The following SMAP1 variants were observed in gnomAD, a reference collection of about 807,000 sequenced individuals.
SMAP1 encodes small ArfGAP 1, also known as stromal membrane-associated protein 1.
Under a neutral mutation model 58.5 loss-of-function variants are expected in SMAP1, and 24 were observed. The ratio of observed to expected loss-of-function variants is 0.41; its 90% CI spans 0.30 to 0.58. The LOEUF is 0.58. Ranked by LOEUF, SMAP1 falls within the 20% of genes least tolerant of loss-of-function variation. SMAP1 has a pLI of 0.29. For synonymous variants in SMAP1, 216 were observed against 196.6 expected, an observed-to-expected ratio of 1.10 and a Z score of -0.82; for missense variants, 563 against 566.3, an observed-to-expected ratio of 0.99 and a Z score of 0.06.
intron 9 of SMAP1, 182 bp from the exon 10 acceptor site, chr6:70,857,740 A>G: frequency 1.6e-6 from 1 of 606,590 alleles, no homozygotes; most frequent in Non-Finnish European, 2.9e-6. Context: ...ATTTGTCTGC[A>G]TCCTAGAAAC....
chr6:70,711,986 T>A (rs1768075269), intron 1 of SMAP1, among the ~76,000 whole-genome samples: 1 of 152,208 alleles, frequency 6.6e-6, no homozygotes, highest in African/African-American at 2.4e-5. Flanking sequence ...GTGGTGAGAA[T>A]AGATATCCTT....
chr6:70,770,117 A>C (rs1364213254), intron 3 of SMAP1, among the ~76,000 whole-genome samples: 1 of 151,804 alleles, frequency 6.6e-6, no homozygotes, highest in East Asian at 1.9e-4. Flanking sequence ...CCGAGAGGTC[A>C]GCTGTTAGTC....
chr6:70,679,221 G>A (rs895471875), intron 1 of SMAP1, among the ~76,000 whole-genome samples: 1 of 152,018 alleles, frequency 6.6e-6, no homozygotes, highest in African/African-American at 2.4e-5. Context: ...GTTTTGCTAT[G>A]TTGGCCAGGC....
At chr6:70,855,232 G>C (rs1554210677) in intron 8 of SMAP1, among the ~76,000 whole-genome samples, 1 of 152,136 alleles carries the variant, frequency 6.6e-6, no homozygotes, top group Non-Finnish European at 1.5e-5. Flanking sequence ...TGTAAAATGA[G>C]AGGCAGAAGT....
chr6:70,853,423 T>C (rs1361622977), intron 8 of SMAP1, among the ~76,000 whole-genome samples: 4 of 152,230 alleles, frequency 2.6e-5, no homozygotes, highest in Admixed American at 2.6e-4. Flanking sequence ...ACAAGCAGTT[T>C]GTGCAGCATA....
chr6:70,674,324 G>A (rs1023670150), intron 1 of SMAP1, among the ~76,000 whole-genome samples: 2 of 151,994 alleles, frequency 1.3e-5, no homozygotes, highest in Non-Finnish European at 2.9e-5. Flanking sequence ...TGTTGCCCAG[G>A]CTAGTCTTGA....
intron 6 of SMAP1, among the ~76,000 whole-genome samples, chr6:70,833,135 C>G (rs1343912027): frequency 6.6e-6 from 1 of 152,126 alleles, no homozygotes; most frequent in Non-Finnish European, 1.5e-5. Context: ...ATTTGTTACT[C>G]TATCTAGAAT....
At chr6:70,721,137 CT>C (rs1471628330) in intron 1 of SMAP1, among the ~76,000 whole-genome samples, 3 of 152,122 alleles carry the variant, frequency 2.0e-5, no homozygotes, top group Non-Finnish European at 4.4e-5. Context: ...ATGGGTTTTT[CT>C]TTTCTATCGC....
intron 1 of SMAP1, among the ~76,000 whole-genome samples, chr6:70,684,219 T>C (rs572420163): frequency 1.1e-3 from 170 of 152,328 alleles, no homozygotes; most frequent in African/African-American, 3.9e-3. Context: ...TAGGAACAAA[T>C]GGTTATCTCT....
At chr6:70,754,844 A>G (rs2149889151) in intron 2 of SMAP1, 136 bp from the exon 3 acceptor site, 1 of 500,750 alleles carries the variant, frequency 2.0e-6, no homozygotes, top group Non-Finnish European at 3.6e-6. Flanking sequence ...TGTGATTTAA[A>G]TTATATTTCT....
At chr6:70,698,280 G>C (rs879777773) in intron 1 of SMAP1, among the ~76,000 whole-genome samples, 9 of 152,108 alleles carry the variant, frequency 5.9e-5, no homozygotes, top group Non-Finnish European at 1.3e-4. Context: ...AGATGTGTTA[G>C]AGCTCCTTTG....
intron 1 of SMAP1, among the ~76,000 whole-genome samples, chr6:70,672,438 T>C (rs1021941017): frequency 6.6e-6 from 1 of 152,200 alleles, no homozygotes; most frequent in Non-Finnish European, 1.5e-5. Context: ...GAAATAATTC[T>C]CCTTGATCCT....
chr6:70,676,816 G>A (rs928146125), intron 1 of SMAP1, among the ~76,000 whole-genome samples: 5 of 152,074 alleles, frequency 3.3e-5, no homozygotes, highest in Admixed American at 1.3e-4. Context: ...AGGGTCTCAT[G>A]CTGTTGCCCA....
Position 70,791,780 on chromosome 6 carries a change from G to C in SMAP1, c.495+11G>C. Reference sequence around the variant, plus strand: ...AAAAATAAATTGGAGGTATGGTCATGTTTTAACCAGCTACATTATGTAGTG... The same window carrying C: ...AAAAATAAATTGGAGGTATGGTCATCTTTTAACCAGCTACATTATGTAGTG... On this transcript the variant is annotated intron_variant, in intron 5 of 10. Transcript: ENST00000370455. 6.2e-7 allele frequency: 1 copy of C among 1,606,360 alleles called. No homozygotes were observed. The highest frequency in any genetic ancestry group is 8.5e-7 in the Non-Finnish European group (1 of 1,173,654).
intron 6 of SMAP1, among the ~76,000 whole-genome samples, chr6:70,826,153 C>T (rs891529745): frequency 6.6e-6 from 1 of 152,288 alleles, no homozygotes; most frequent in Non-Finnish European, 1.5e-5. Flanking sequence ...CACAAAAATC[C>T]TGCAAAGTAT....
chr6:70,671,709 G>T (rs1253328944), intron 1 of SMAP1, among the ~76,000 whole-genome samples: 2 of 152,182 alleles, frequency 1.3e-5, no homozygotes, highest in Non-Finnish European at 2.9e-5. Context: ...GGCTGTTCTG[G>T]ATATTTAATA....
intron 8 of SMAP1, 93 bp downstream of exon 8, chr6:70,852,757 A>G: frequency 7.4e-7 from 1 of 1,353,730 alleles, no homozygotes. Flanking sequence ...GTTTCTGAGC[A>G]GTAACTGATT....
At chr6:70,857,869 G>C (rs955913060) in intron 9 of SMAP1, 53 bp from the exon 10 acceptor site, 2 of 1,576,188 alleles carry the variant, frequency 1.3e-6, no homozygotes, top group Admixed American at 3.4e-5. Context: ...ATAGAGATGA[G>C]TGCAACTACA....
intron 8 of SMAP1, among the ~76,000 whole-genome samples, chr6:70,855,114 A>G (rs914794024): frequency 1.3e-5 from 2 of 151,960 alleles, no homozygotes; most frequent in East Asian, 1.9e-4. Context: ...ACATATACCA[A>G]CAGTACCTAG....
Sources: gnomAD v4.1 joint callset for allele counts (sites outside exome capture counted in the v4.1 genomes callset) on GRCh38, gnomAD v4.1.1 for gene constraint, MANE v1.5 for transcripts, NCBI Gene and HGNC (gene_info 2026-07-23, HGNC 2026-07-21) for gene names.